DPF3: variants seen among roughly 807,000 people sequenced by gnomAD.
DPF3 encodes zinc finger protein DPF3.
Under a neutral mutation model 56.8 loss-of-function variants are expected in DPF3, and 18 were observed. That is an observed-to-expected ratio of 0.32 (90% CI 0.22 to 0.47). DPF3 has a LOEUF of 0.47. DPF3 is among the 20% of genes least tolerant of loss of function. The pLI, the probability that DPF3 is intolerant of heterozygous loss-of-function variation, is 1.00. For missense variants in DPF3, 403 were observed against 488.8 expected, an observed-to-expected ratio of 0.82 and a Z score of 1.65; for synonymous variants, 188 against 180.2, an observed-to-expected ratio of 1.04 and a Z score of -0.35.
At chr14:72,677,750 ATTGGTCTGTCAC>A (rs1886977081) in intron 7 of DPF3, among the ~76,000 whole-genome samples, 1 of 152,134 alleles carries the variant, frequency 6.6e-6, no homozygotes, top group Non-Finnish European at 1.5e-5. Context: ...GTGTGCATGA[ATTGGTCTGTCAC>A]CTGGTCTCAT....
chr14:72,656,596 A>T (rs1366061495), intron 8 of DPF3, among the ~76,000 whole-genome samples: 1 of 152,250 alleles, frequency 6.6e-6, no homozygotes, highest in African/African-American at 2.4e-5. Context: ...TACAAAGCAT[A>T]GCATTTTCTA....
At chr14:72,736,503 C>T (rs376649932) in intron 3 of DPF3, among the ~76,000 whole-genome samples, 1 of 152,168 alleles carries the variant, frequency 6.6e-6, no homozygotes, top group Non-Finnish European at 1.5e-5. Context: ...AGAGTTCTAG[C>T]GGATCACTGC....
chr14:72,746,869 T>C (rs1378470963), intron 3 of DPF3, among the ~76,000 whole-genome samples: 2 of 152,264 alleles, frequency 1.3e-5, no homozygotes, highest in African/African-American at 4.8e-5. Context: ...GGCAAACCGC[T>C]AGCCCTAGGT....
chr14:72,779,073 T>C (rs777097474), intron 1 of DPF3, among the ~76,000 whole-genome samples: 4 of 152,186 alleles, frequency 2.6e-5, no homozygotes, highest in Non-Finnish European at 5.9e-5. Flanking sequence ...TTACCCGCAG[T>C]GTTCAGCACA....
intron 1 of DPF3, among the ~76,000 whole-genome samples, chr14:72,863,837 A>G (rs1027484035): frequency 1.6e-4 from 24 of 152,336 alleles, no homozygotes; most frequent in African/African-American, 5.5e-4. Flanking sequence ...ATTAAGCACT[A>G]GGGGCAGCTG....
chr14:72,619,417 G>T (rs1008075301), intron 10 of DPF3, 50 bp from the exon 11 acceptor site: 37 of 1,525,400 alleles, frequency 2.4e-5, no homozygotes, highest in East Asian at 1.7e-4. Flanking sequence ...TAACTCTGGA[G>T]CCCCACCCCA....
chr14:72,788,118 G>C (rs1488398609), intron 1 of DPF3, among the ~76,000 whole-genome samples: 1 of 152,180 alleles, frequency 6.6e-6, no homozygotes, highest in African/African-American at 2.4e-5. Flanking sequence ...GCCTGACCCT[G>C]ACGGGCATGC....
intron 1 of DPF3, among the ~76,000 whole-genome samples, chr14:72,868,813 AT>A (rs892452775): frequency 2.0e-5 from 3 of 151,992 alleles, no homozygotes; most frequent in Admixed American, 1.3e-4. Context: ...CTCCTATCTC[AT>A]TTTTATTTTC....
At chr14:72,745,601 C>A (rs938007892) in intron 3 of DPF3, among the ~76,000 whole-genome samples, 3 of 152,080 alleles carry the variant, frequency 2.0e-5, no homozygotes, top group African/African-American at 7.2e-5. Flanking sequence ...AAAGGTCATA[C>A]CAATTCCGTT....
intron 2 of DPF3, among the ~76,000 whole-genome samples, chr14:72,755,718 C>T (rs1890762101): frequency 6.6e-6 from 1 of 152,198 alleles, no homozygotes; most frequent in African/African-American, 2.4e-5. Flanking sequence ...CATGCTGCCA[C>T]TTGGTTCTTT....
At chr14:72,756,855 A>AG (rs775621326) in intron 2 of DPF3, among the ~76,000 whole-genome samples, 1 of 107,740 alleles carries the variant, frequency 9.3e-6, no homozygotes, top group Admixed American at 9.4e-5. Flanking sequence ...AAAGAAAGAA[A>AG]GAAAGAAAGA....
At chr14:72,636,294 T>C (rs1599321029) in intron 8 of DPF3, among the ~76,000 whole-genome samples, 1 of 152,354 alleles carries the variant, frequency 6.6e-6, no homozygotes, top group South Asian at 2.1e-4. Flanking sequence ...TATGAAGTTT[T>C]AGCTAAAGCA....
rs1240007613 is a variant in DPF3 at position 72,617,571 on chromosome 14, G to T, written c.*1726C>A. ...TATGTATGTGTGTGATTCCCTCTGA[G>T]GCCACAGGCCCCTGCAGGAGAGTGA... On this transcript the variant is annotated 3_prime_UTR_variant, in exon 11 of 11. Coordinates refer to ENST00000556509, the MANE Select transcript of DPF3 (RefSeq NM_001280542.3). Among the ~76,000 whole-genome samples, 1 of 152,176 alleles carries T rather than the reference G, an allele frequency of 6.6e-6. No homozygotes were observed. Among genetic ancestry groups the T allele is most frequent in the Non-Finnish European group, 1.5e-5 (1 of 68,024 alleles).
intron 1 of DPF3, among the ~76,000 whole-genome samples, chr14:72,781,935 A>G (rs1891992762): frequency 6.6e-6 from 1 of 152,152 alleles, no homozygotes; most frequent in South Asian, 2.1e-4. Context: ...CGTCACAGAA[A>G]TTTCATTGAT....
intron 1 of DPF3, among the ~76,000 whole-genome samples, chr14:72,877,262 T>C (rs1388795594): frequency 6.6e-6 from 1 of 152,142 alleles, no homozygotes; most frequent in Non-Finnish European, 1.5e-5. Context: ...CAGTAGAGCC[T>C]GGAGGAGAGT....
At chr14:72,750,956 C>G (rs117597488) in intron 3 of DPF3, among the ~76,000 whole-genome samples, 4 of 152,010 alleles carry the variant, frequency 2.6e-5, no homozygotes, top group African/African-American at 9.7e-5. Context: ...TCTGGGAGAC[C>G]GAGGCAGGAG....
chr14:72,726,652 G>A lies in DPF3; in HGVS notation c.430-2924C>T, dbSNP rs1599387798. ...AAGCTTGTTTCAGACCTCAGGAAGC[G>A]GAGGGGGAGTCCTGCATCAGGAGTC... On this transcript the variant is annotated intron_variant, in intron 4 of 10. Coordinates refer to ENST00000556509, the MANE Select transcript of DPF3 (RefSeq NM_001280542.3). Among the ~76,000 whole-genome samples the A allele has an allele frequency of 3.3e-5, 5 of 152,198 alleles. No individual in the cohort carries two copies. The South Asian group carries it at 1.0e-3, about 32-fold the overall frequency.
intron 8 of DPF3, among the ~76,000 whole-genome samples, chr14:72,650,466 T>C (rs1885875611): frequency 6.6e-6 from 1 of 152,232 alleles, no homozygotes; most frequent in Non-Finnish European, 1.5e-5. Context: ...AGGCCAGCAC[T>C]GCCCCGGGGG....
chr14:72,869,357 A>G (rs994740926), intron 1 of DPF3, among the ~76,000 whole-genome samples: 9 of 152,226 alleles, frequency 5.9e-5, no homozygotes, highest in African/African-American at 2.2e-4. Context: ...TTGGCTCACC[A>G]TCATGTACCC....
Sources: gnomAD v4.1 joint callset for allele counts (sites outside exome capture counted in the v4.1 genomes callset) on GRCh38, gnomAD v4.1.1 for gene constraint, MANE v1.5 for transcripts, NCBI Gene and HGNC (gene_info 2026-07-23, HGNC 2026-07-21) for gene names.